The following UBE2G2 variants were observed in gnomAD, a reference collection of about 807,000 sequenced individuals.
UBE2G2 encodes ubiquitin conjugating enzyme E2 G2.
Under a neutral mutation model 23.0 loss-of-function variants are expected in UBE2G2, and 10 were observed. The ratio of observed to expected loss-of-function variants is 0.43; its 90% CI spans 0.27 to 0.74. The LOEUF is 0.74. Among genes scored for constraint, UBE2G2 ranks in the 30% least tolerant of loss-of-function variants. The pLI is 0.19. For synonymous variants in UBE2G2, 86 were observed against 81.3 expected, an observed-to-expected ratio of 1.06 and a Z score of -0.31; for missense variants, 150 against 218.3, an observed-to-expected ratio of 0.69 and a Z score of 1.97.
At chr21:44,791,607 C>T (rs953941363) in intron 1 of UBE2G2, among the ~76,000 whole-genome samples, 4 of 152,150 alleles carry the variant, frequency 2.6e-5, no homozygotes, top group Admixed American at 6.5e-5. Flanking sequence ...TGTAGGGAAA[C>T]GCCTGGATGT....
chr21:44,798,930 C>G (rs1343777256), intron 1 of UBE2G2, among the ~76,000 whole-genome samples: 5 of 152,118 alleles, frequency 3.3e-5, no homozygotes, highest in Non-Finnish European at 7.3e-5. Flanking sequence ...AAATGTATTT[C>G]TTAAATAAGT....
At chr21:44,775,455 A>T (rs1555960472) in intron 4 of UBE2G2, 1 of 152,212 alleles carries the variant, frequency 6.6e-6, no homozygotes, top group African/African-American at 2.4e-5. Flanking sequence ...AATTGTTTTT[A>T]AAGTATTTAT....
chr21:44,783,883 C>T (rs1555961608), intron 3 of UBE2G2, among the ~76,000 whole-genome samples: 1 of 152,172 alleles, frequency 6.6e-6, no homozygotes, highest in Non-Finnish European at 1.5e-5. Context: ...GGCTGGGTGC[C>T]TTGGATCCTG....
chr21:44,791,116 A>C (rs932310792), intron 1 of UBE2G2, among the ~76,000 whole-genome samples: 1 of 152,188 alleles, frequency 6.6e-6, no homozygotes, highest in Non-Finnish European at 1.5e-5. Context: ...GGAACTTTGA[A>C]CTTGAGAGAG....
chr21:44,779,371 T>TGGGGGGGGGGGG (rs375243003), intron 3 of UBE2G2, among the ~76,000 whole-genome samples: 2 of 75,404 alleles, frequency 2.7e-5, no homozygotes, highest in African/African-American at 5.8e-5. Context: ...GGAGCTGGGG[T>TGGGGGGGGGGGG]GGGGGGGGGG....
At chr21:44,784,654 G>T (rs1442646047) in intron 3 of UBE2G2, among the ~76,000 whole-genome samples, 1 of 152,222 alleles carries the variant, frequency 6.6e-6, no homozygotes, top group Non-Finnish European at 1.5e-5. Context: ...CTGGCCCCCA[G>T]TGTGAGAAGG....
intron 1 of UBE2G2, among the ~76,000 whole-genome samples, chr21:44,788,990 G>A (rs1763375138): frequency 6.6e-6 from 1 of 152,066 alleles, no homozygotes; most frequent in South Asian, 2.1e-4. Flanking sequence ...TAGTAAAAGT[G>A]AGTTTGGCAC....
chr21:44,800,516 T>C (rs1340991169), intron 1 of UBE2G2: 2 of 152,222 alleles, frequency 1.3e-5, no homozygotes, highest in African/African-American at 4.8e-5. Context: ...TGAGAGGCTA[T>C]GCATACATTA....
chr21:44,791,972 A>AC (rs1418714436), intron 1 of UBE2G2, among the ~76,000 whole-genome samples: 5 of 152,140 alleles, frequency 3.3e-5, no homozygotes, highest in African/African-American at 1.2e-4. Flanking sequence ...CACAAAGGAG[A>AC]CCATTTTGAG....
intron 3 of UBE2G2, 51 bp downstream of exon 3, chr21:44,787,869 A>C (rs2083008500): frequency 6.3e-7 from 1 of 1,597,388 alleles, no homozygotes; most frequent in Non-Finnish European, 8.6e-7. Flanking sequence ...TGATTCTTAC[A>C]TCTGACTTCC....
intron 1 of UBE2G2, among the ~76,000 whole-genome samples, chr21:44,795,643 G>GA (rs782272276): frequency 5.4e-5 from 8 of 148,194 alleles, no homozygotes; most frequent in Non-Finnish European, 1.2e-4. Flanking sequence ...AAAAAAAAAA[G>GA]AAAGAAAGAA....
chr21:44,784,206 G>A (rs550518433), intron 3 of UBE2G2, among the ~76,000 whole-genome samples: 1 of 152,028 alleles, frequency 6.6e-6, no homozygotes, highest in Non-Finnish European at 1.5e-5. Context: ...GGGGAGAAAG[G>A]AAGAGAGAGA....
chr21:44,800,535 T>C (rs1388735114), intron 1 of UBE2G2: 1 of 152,186 alleles, frequency 6.6e-6, no homozygotes, highest in Non-Finnish European at 1.5e-5. Context: ...TAAATGCAAA[T>C]ACCACGCCAC....
chr21:44,801,581 G>A (rs556196661), intron 1 of UBE2G2, 125 bp downstream of exon 1: 1 of 1,307,168 alleles, frequency 7.7e-7, no homozygotes, highest in African/African-American at 1.6e-5. Flanking sequence ...ACCCACAGGG[G>A]GGCTCACGGT....
chr21:44,778,664 T>C (rs144866609), intron 3 of UBE2G2, among the ~76,000 whole-genome samples: 14 of 152,348 alleles, frequency 9.2e-5, no homozygotes, highest in African/African-American at 2.4e-4. Flanking sequence ...TTGCACCATC[T>C]TTCTTTGATA....
At chr21:44,793,127 A>G (rs1555963169) in intron 1 of UBE2G2, among the ~76,000 whole-genome samples, 1 of 152,248 alleles carries the variant, frequency 6.6e-6, no homozygotes, top group African/African-American at 2.4e-5. Flanking sequence ...TTGTGTCTCA[A>G]GCCAAACCGC....
rs772392125 is a variant in UBE2G2, at chr21:44,782,386, T to C, written c.126-4969A>G. Among the ~76,000 whole-genome samples the C allele has an allele frequency of 3.3e-5, 5 of 152,234 alleles. No individual in the cohort carries two copies. In the East Asian group the frequency reaches 7.7e-4, roughly 23 times the overall value. ...ATGATGGCAATATCCCTCAAACTTA[T>C]CTAAAGATTCAATGTAGTCTCAATC... On this transcript the variant is annotated intron_variant, in intron 3 of 5. Transcript: ENST00000345496.
chr21:44,776,381 T>G (rs893986971), intron 4 of UBE2G2, among the ~76,000 whole-genome samples: 1 of 152,202 alleles, frequency 6.6e-6, no homozygotes, highest in Admixed American at 6.5e-5. Flanking sequence ...TTTAACATTT[T>G]TGTGCTTACT....
chr21:44,781,660 G>A (rs1555961355), intron 3 of UBE2G2, among the ~76,000 whole-genome samples: 1 of 152,186 alleles, frequency 6.6e-6, no homozygotes, highest in Admixed American at 6.5e-5. Flanking sequence ...CCACCAGGAT[G>A]ACATATTTGA....
Sources: gnomAD v4.1 joint callset for allele counts (sites outside exome capture counted in the v4.1 genomes callset) on GRCh38, gnomAD v4.1.1 for gene constraint, MANE v1.5 for transcripts, NCBI Gene and HGNC (gene_info 2026-07-23, HGNC 2026-07-21) for gene names.